NUDT19: variants seen among roughly 807,000 people sequenced by gnomAD.
NUDT19 encodes the protein acyl-coenzyme A diphosphatase NUDT19.
A neutral mutation model predicts 22.2 loss-of-function variants in NUDT19; 31 were observed. The observed-to-expected ratio is 1.40, with a 90% CI of 1.05 to 1.89. NUDT19 has a LOEUF of 1.89. Among genes scored for constraint, NUDT19 ranks in the 40% most tolerant of loss-of-function variants. NUDT19 has a pLI of 0.00. For missense variants in NUDT19, 752 were observed against 514.2 expected (o/e 1.46, Z -4.47); for synonymous variants, 325 against 230.8 (o/e 1.41, Z -3.70).
intron 1 of NUDT19, among the ~76,000 whole-genome samples, chr19:32,708,666 C>G (rs146729677): frequency 6.6e-6 from 1 of 152,078 alleles, no homozygotes; most frequent in African/African-American, 2.4e-5. Context: ...GATGCTTCAC[C>G]GCCGTTGTAC....
At chr19:32,698,384 C>T (rs1968290519) in intron 1 of NUDT19, among the ~76,000 whole-genome samples, 1 of 152,154 alleles carries the variant, frequency 6.6e-6, no homozygotes, top group African/African-American at 2.4e-5. Context: ...CTGTTGATGC[C>T]TGAGTGTTTC....
chr19:32,710,729 AC>A (rs1968438325), intron 2 of NUDT19, among the ~76,000 whole-genome samples: 1 of 151,922 alleles, frequency 6.6e-6, no homozygotes, highest in Non-Finnish European at 1.5e-5. Context: ...TCCCGTCTCT[AC>A]TAATAATACA....
chr19:32,705,238 T>C (rs1231783376), intron 1 of NUDT19, among the ~76,000 whole-genome samples: 2 of 151,442 alleles, frequency 1.3e-5, no homozygotes, highest in East Asian at 2.0e-4. Context: ...CTTGCCAACA[T>C]TGTGAAACCC....
Position 32,692,274 on chromosome 19 carries a change from C to T in NUDT19, c.314C>T (p.Pro105Leu). Residue 105 changes from proline to leucine, a missense_variant, in exon 1 of 3, where the codon CCC becomes CTC. Pro to Leu is a moderately conservative substitution (Grantham distance 98). Transcript: ENST00000397061. ...AGCCGCACCGCTTTCCCGTCGCTGC[C>T]CGACACCGATGACCACAAGACCGAC... ...PFSRTAFPSLPDTDDHKTDNT... is the reference protein window; with the variant it reads ...PFSRTAFPSLLDTDDHKTDNT... 3.8e-6 allele frequency: 6 copies of T among 1,592,724 alleles called. No individual in the cohort carries two copies. The highest frequency in any genetic ancestry group is 5.1e-6 in the Non-Finnish European group (6 of 1,177,682).
chr19:32,707,021 T>G (rs1019278702), intron 1 of NUDT19, among the ~76,000 whole-genome samples: 2 of 152,118 alleles, frequency 1.3e-5, no homozygotes, highest in Non-Finnish European at 2.9e-5. Context: ...AGGACTCACC[T>G]CCCATTGTAG....
rs754305090 is a variant in NUDT19, at chr19:32,692,214, G to A, written c.254G>A (p.Gly85Glu). Residue 85 changes from glycine to glutamate, a missense_variant, in exon 1 of 3, where the codon GGG becomes GAG. By Grantham distance (98) the Gly-to-Glu change is moderately conservative. Coordinates refer to ENST00000397061, the MANE Select transcript of NUDT19 (RefSeq NM_001105570.2). ...CTGGGCCTCTTCGCGCCGCACCACG[G>A]GCCGCCGCGCTTCGGCCTGGGCCCG... ...DWLGLFAPHH[G>E]PPRFGLGPAP... 1 of 1,582,628 alleles carries A rather than the reference G, an allele frequency of 6.3e-7. No homozygotes were observed. Among genetic ancestry groups the A allele is most frequent in the South Asian group, 1.1e-5 (1 of 89,328 alleles).
intron 1 of NUDT19, among the ~76,000 whole-genome samples, chr19:32,702,059 C>T (rs765287934): frequency 3.9e-5 from 6 of 152,150 alleles, no homozygotes; most frequent in Non-Finnish European, 7.3e-5. Context: ...GGATGAATAA[C>T]GTGCACTGAT....
intron 1 of NUDT19, among the ~76,000 whole-genome samples, chr19:32,695,222 C>G (rs1004402901): frequency 2.0e-5 from 3 of 152,284 alleles, no homozygotes; most frequent in Middle Eastern, 3.4e-3. Flanking sequence ...CCCTGTCACC[C>G]AGGCTGGAGT....
At chr19:32,706,272 G>A (rs1218434179) in intron 1 of NUDT19, among the ~76,000 whole-genome samples, 5 of 152,092 alleles carry the variant, frequency 3.3e-5, no homozygotes, top group African/African-American at 9.7e-5. Context: ...CTCTTTCCAT[G>A]GTTTGAGTTA....
rs375717309 is a variant in NUDT19 at position 32,711,882 on chromosome 19, T to C, written c.1053T>C (p.Asp351=). 1.1e-5 allele frequency: 17 copies of C among 1,613,844 alleles called. No homozygotes were observed. Among genetic ancestry groups the C allele is most frequent in the Non-Finnish European group, 1.4e-5 (17 of 1,179,910 alleles). ...TGACATACCATCGCCACCTTTATGA[T>C]ATCCACGTGACTGTTCAGCCAAAGT... ...RIVTYHRHLY[D]IHVTVQPKYK... The change falls in exon 3 of 3, where the codon GAT becomes GAC. Residue 351 remains aspartate, a synonymous_variant. Transcript: ENST00000397061.
chr19:32,693,506 C>A (rs12609866), intron 1 of NUDT19, among the ~76,000 whole-genome samples: 1 of 152,068 alleles, frequency 6.6e-6, no homozygotes, highest in Admixed American at 6.5e-5. Flanking sequence ...CCTCCCACAG[C>A]GGAAGGGGAT....
chr19:32,711,032 TAATATC>T (rs762060050), intron 2 of NUDT19, among the ~76,000 whole-genome samples: 3 of 152,292 alleles, frequency 2.0e-5, no homozygotes, highest in African/African-American at 4.8e-5. Flanking sequence ...AGGCCAATCT[TAATATC>T]AGTATTGAAT....
chr19:32,698,696 C>A (rs573524806), intron 1 of NUDT19, among the ~76,000 whole-genome samples: 6 of 152,268 alleles, frequency 3.9e-5, no homozygotes, highest in African/African-American at 1.4e-4. Context: ...TCTCCTAGAC[C>A]ACAAGGAGGA....
At chr19:32,702,716 T>C (rs1968348777) in intron 1 of NUDT19, among the ~76,000 whole-genome samples, 1 of 152,264 alleles carries the variant, frequency 6.6e-6, no homozygotes, top group South Asian at 2.1e-4. Context: ...AATTTGTTAT[T>C]GTCAATAAGG....
Position 32,703,648 on chromosome 19 carries a change from C to CTTTTTTTTT in NUDT19, c.715-5513_715-5505dup, listed in dbSNP as rs60766132. ...ACAGGTGTGGGCCACTGTGCCCAGC[C>CTTTTTTTTT]TTTTTTTTTTTTTTTTTTTTTTTTT... On this transcript the variant is annotated intron_variant, in intron 1 of 2. Coordinates refer to ENST00000397061, the MANE Select transcript of NUDT19 (RefSeq NM_001105570.2). Among the ~76,000 whole-genome samples, 85 of 68,396 alleles carry CTTTTTTTTT rather than the reference C, an allele frequency of 1.2e-3. 7 individuals are homozygous for CTTTTTTTTT. The highest frequency in any genetic ancestry group is 2.1e-3 in the Non-Finnish European group (75 of 36,576). 44.9% of individuals were successfully genotyped at this position (68,396 alleles called of 152,430 possible). A position where few individuals can be genotyped will look rare whatever the true frequency, so the allele number is the denominator to read the frequency against.
chr19:32,696,455 G>A (rs1968264590), intron 1 of NUDT19, among the ~76,000 whole-genome samples: 1 of 152,124 alleles, frequency 6.6e-6, no homozygotes, highest in Non-Finnish European at 1.5e-5. Flanking sequence ...AGCTATTCCT[G>A]CTCTCTCTGT....
In NUDT19 at chr19:32,711,978, A is replaced by G. The variant is rs762691035; in HGVS notation, c.*21A>G. 1.3e-6 allele frequency: 2 copies of G among 1,515,026 alleles called. No individual in the cohort carries two copies. The highest frequency in any genetic ancestry group is 1.8e-6 in the Non-Finnish European group (2 of 1,091,368). 93.8% of individuals were successfully genotyped at this position (1,515,026 alleles called of 1,614,324 possible). A position where few individuals can be genotyped will look rare whatever the true frequency, so the allele number is the denominator to read the frequency against. On this transcript the variant is annotated 3_prime_UTR_variant, in exon 3 of 3. Transcript: ENST00000397061. ...TGTAGGGTGCTTAAGCTTGTTTGTA[A>G]AATGGCCTACTTGAAGTCCTCATGA...
intron 1 of NUDT19, among the ~76,000 whole-genome samples, chr19:32,704,829 G>A (rs140414365): frequency 7.9e-5 from 12 of 151,974 alleles, no homozygotes; most frequent in South Asian, 2.1e-4. Context: ...ACTTTGGGCC[G>A]GGCATGGTGG....
chr19:32,704,914 C>A (rs1968371631), intron 1 of NUDT19, among the ~76,000 whole-genome samples: 1 of 151,646 alleles, frequency 6.6e-6, no homozygotes, highest in African/African-American at 2.4e-5. Flanking sequence ...CTAGACCAGC[C>A]TGGCCAACAT....
Sources: allele counts gnomAD v4.1 joint callset (sites outside exome capture counted in the v4.1 genomes callset), GRCh38; gene constraint gnomAD v4.1.1; transcripts MANE v1.5; gene names NCBI Gene and HGNC (gene_info 2026-07-23, HGNC 2026-07-21).